The following IQSEC3 variants were observed in gnomAD, a reference collection of about 807,000 sequenced individuals.
The protein encoded by IQSEC3 is IQ motif and Sec7 domain ArfGEF 3.
Under a neutral mutation model 105.4 loss-of-function variants are expected in IQSEC3, and 50 were observed. The observed-to-expected ratio is 0.47, with a 90% confidence interval of 0.38 to 0.60. The LOEUF (loss-of-function observed/expected upper bound fraction) is 0.60. Ranked by LOEUF, IQSEC3 falls within the 20% of genes least tolerant of loss-of-function variation. The probability of loss-of-function intolerance (pLI) is 0.00; values close to 1 mark genes in which losing one functional copy is unlikely to be tolerated. For synonymous variants in IQSEC3, 708 were observed against 746.0 expected, an observed-to-expected ratio of 0.95 and a Z score of 0.83; for missense variants, 1,415 against 1,630.0, an observed-to-expected ratio of 0.87 and a Z score of 2.27.
intron 5 of IQSEC3, among the ~76,000 whole-genome samples, chr12:155,985 C>G (rs904027487): frequency 2.6e-5 from 4 of 152,194 alleles, no homozygotes; most frequent in Non-Finnish European, 5.9e-5. Flanking sequence ...TTTTCCAGGC[C>G]TGGACTCCTG....
chr12:172,015 C>A (rs1939027990), intron 13 of IQSEC3, among the ~76,000 whole-genome samples: 1 of 152,092 alleles, frequency 6.6e-6, no homozygotes, highest in Non-Finnish European at 1.5e-5. Context: ...TCCTCTTGCA[C>A]CCCAGTGAGT....
chr12:91,200 G>A lies in IQSEC3; in HGVS notation c.555-7946G>A, dbSNP rs565942220. 2.7e-4 allele frequency among the ~76,000 whole-genome samples: 41 copies of A among 152,200 alleles called. No individual in the cohort carries two copies. In the South Asian group the frequency reaches 2.9e-3, roughly 11 times the overall value. On this transcript the variant is annotated intron_variant, in intron 1 of 13. Coordinates refer to ENST00000538872, the MANE Select transcript of IQSEC3 (RefSeq NM_001170738.2). Reference sequence around the variant, plus strand: ...CTCCTGCTGGGAGCACCTCCCTCCCGCTCAAGCCCTCTCCTGCTTCTCCCA... The same window carrying A: ...CTCCTGCTGGGAGCACCTCCCTCCCACTCAAGCCCTCTCCTGCTTCTCCCA...
chr12:130,316 C>T (rs574926986), intron 3 of IQSEC3, among the ~76,000 whole-genome samples: 7 of 152,284 alleles, frequency 4.6e-5, no homozygotes, highest in South Asian at 2.1e-4. Context: ...GTCTGCACAA[C>T]GTCCCCGTGA....
rs557539943 is a variant in IQSEC3, at chr12:98,518, A to G, written c.555-628A>G. Among the ~76,000 whole-genome samples, 12 of 152,338 alleles carry G rather than the reference A, an allele frequency of 7.9e-5. No individual in the cohort carries two copies. In the East Asian group the frequency reaches 1.7e-3, roughly 22 times the overall value. On this transcript the variant is annotated intron_variant, in intron 1 of 13. Transcript: ENST00000538872. ...CATTAGTAAGTCAGCTGAAGCCCAG[A>G]AAAGGTTAGCCTCGTATGACACAGC...
intron 1 of IQSEC3, among the ~76,000 whole-genome samples, chr12:73,075 TAAA>T (rs1863387072): frequency 6.8e-6 from 1 of 146,456 alleles, no homozygotes; most frequent in Non-Finnish European, 1.5e-5. Flanking sequence ...AATAAATAAA[TAAA>T]TAAATAAATA....
intron 3 of IQSEC3, among the ~76,000 whole-genome samples, chr12:127,035 G>A (rs967938117): frequency 6.6e-6 from 1 of 152,196 alleles, no homozygotes; most frequent in South Asian, 2.1e-4. Context: ...AGTAAGGAGG[G>A]TTGTTCTCAA....
chr12:76,208 C>T (rs1863519885), intron 1 of IQSEC3, among the ~76,000 whole-genome samples: 2 of 152,116 alleles, frequency 1.3e-5, no homozygotes, highest in Admixed American at 6.5e-5. Context: ...GCATTGTGGC[C>T]GTATCTCTGG....
chr12:146,824 C>A (rs1555091194), intron 5 of IQSEC3, among the ~76,000 whole-genome samples: 1 of 152,192 alleles, frequency 6.6e-6, no homozygotes, highest in Non-Finnish European at 1.5e-5. Context: ...AAACGGTACA[C>A]TGCCAGCACC....
At chr12:140,676 G>C (rs1232978988) in intron 4 of IQSEC3, 1 of 163,998 alleles carries the variant, frequency 6.1e-6, no homozygotes, top group African/African-American at 2.4e-5. Context: ...TCTCCTCCCG[G>C]ACCTGTGAGG....
At chr12:94,138 T>C (rs1469378313) in intron 1 of IQSEC3, among the ~76,000 whole-genome samples, 1 of 152,232 alleles carries the variant, frequency 6.6e-6, no homozygotes, top group East Asian at 1.9e-4. Context: ...GTGATGCTTC[T>C]TTGCATACTC....
intron 1 of IQSEC3, among the ~76,000 whole-genome samples, chr12:90,491 T>A (rs1472933902): frequency 6.6e-6 from 1 of 152,256 alleles, no homozygotes; most frequent in African/African-American, 2.4e-5. Context: ...ATCTATTTTT[T>A]AAATTTTTAT....
chr12:107,460 G>A (rs373780756), intron 2 of IQSEC3, among the ~76,000 whole-genome samples: 120 of 146,700 alleles, frequency 8.2e-4, no homozygotes, highest in South Asian at 1.3e-3. Flanking sequence ...CTCAGGCTGG[G>A]GTGCAGTGGC....
chr12:157,484 TG>T, intron 6 of IQSEC3, 43 bp from the exon 7 acceptor site: 2 of 642,322 alleles, frequency 3.1e-6, no homozygotes, highest in Non-Finnish European at 4.4e-6. Context: ...CGGGGGAGGG[TG>T]GGCGGGGGCT....
At chr12:172,625 C>T (rs901604556) in intron 13 of IQSEC3, among the ~76,000 whole-genome samples, 1 of 152,234 alleles carries the variant, frequency 6.6e-6, no homozygotes, top group Non-Finnish European at 1.5e-5. Flanking sequence ...TCTCCTCTGC[C>T]CTCTCTCTGC....
intron 5 of IQSEC3, among the ~76,000 whole-genome samples, chr12:150,789 G>C (rs1471047548): frequency 6.6e-6 from 1 of 152,076 alleles, no homozygotes; most frequent in Non-Finnish European, 1.5e-5. Context: ...AGAGAAGAGA[G>C]GCAGTGTCTA....
intron 3 of IQSEC3, among the ~76,000 whole-genome samples, chr12:134,853 C>T (rs11064642): frequency 0.19 from 28,617 of 151,074 alleles, 3,056 homozygotes; most frequent in East Asian, 0.27. Context: ...TGGCCGGGCA[C>T]GGTGGCTCAC....
chr12:107,600 C>CG (rs1864712530), intron 2 of IQSEC3, among the ~76,000 whole-genome samples: 1 of 151,596 alleles, frequency 6.6e-6, no homozygotes, highest in African/African-American at 2.4e-5. Flanking sequence ...TTAGTAGAGA[C>CG]GGGGTTTCAC....
At chr12:165,241 C>T in intron 9 of IQSEC3, 193 bp from the exon 10 acceptor site, 1 of 605,674 alleles carries the variant, frequency 1.7e-6, no homozygotes, top group Non-Finnish European at 2.9e-6. Context: ...GAGGGAATAA[C>T]CACTGTAGGG....
chr12:136,043 TTAGAGCA>T (rs1865753253), intron 3 of IQSEC3, among the ~76,000 whole-genome samples: 1 of 152,220 alleles, frequency 6.6e-6, no homozygotes, highest in Non-Finnish European at 1.5e-5. Flanking sequence ...TTGGTGTGGT[TTAGAGCA>T]CCTTGAAGAC....
Sources: gnomAD v4.1 joint callset for allele counts (sites outside exome capture counted in the v4.1 genomes callset) on GRCh38, gnomAD v4.1.1 for gene constraint, MANE v1.5 for transcripts, NCBI Gene and HGNC (gene_info 2026-07-23, HGNC 2026-07-21) for gene names.